Variants in TIAM1 observed in about 807,000 individuals in gnomAD.
TIAM1 encodes the protein TIAM Rac1 associated GEF 1.
A neutral mutation model predicts 163.5 loss-of-function variants in TIAM1; 65 were observed. That is an observed-to-expected ratio of 0.40 (90% CI 0.33 to 0.49). TIAM1 has a LOEUF of 0.49. Ranked by LOEUF, TIAM1 falls within the 20% of genes least tolerant of loss-of-function variation. The pLI, the probability that TIAM1 is intolerant of heterozygous loss-of-function variation, is 0.77. For missense variants in TIAM1, 1,789 were observed against 2,044.7 expected, an observed-to-expected ratio of 0.87 and a Z score of 2.41; for synonymous variants, 833 against 810.1, an observed-to-expected ratio of 1.03 and a Z score of -0.48.
At chr21:31,396,077 A>G (rs1419484471) in intron 2 of TIAM1, among the ~76,000 whole-genome samples, 1 of 152,204 alleles carries the variant, frequency 6.6e-6, no homozygotes, top group Non-Finnish European at 1.5e-5. Context: ...CTAGCAGTTA[A>G]TTATTATATG....
chr21:31,156,282 C>T (rs1444782915), intron 16 of TIAM1, among the ~76,000 whole-genome samples: 1 of 152,214 alleles, frequency 6.6e-6, no homozygotes. Flanking sequence ...TTATTCATTG[C>T]TAGCACTAAC....
intron 2 of TIAM1, among the ~76,000 whole-genome samples, chr21:31,312,519 C>G (rs1348316388): frequency 6.6e-6 from 1 of 152,172 alleles, no homozygotes; most frequent in Non-Finnish European, 1.5e-5. Flanking sequence ...TCACAAAACA[C>G]TTTCCCTAAC....
intron 2 of TIAM1, among the ~76,000 whole-genome samples, chr21:31,457,833 G>A (rs1023630768): frequency 6.6e-6 from 1 of 152,176 alleles, no homozygotes; most frequent in African/African-American, 2.4e-5. Flanking sequence ...AATGTCTGGG[G>A]ACATTTTGGT....
intron 3 of TIAM1, among the ~76,000 whole-genome samples, chr21:31,275,269 G>A (rs1368398966): frequency 2.0e-5 from 3 of 151,282 alleles, no homozygotes; most frequent in African/African-American, 7.3e-5. Flanking sequence ...ACCTTTTTTT[G>A]GTATTTTCTA....
chr21:31,479,618 A>T (rs185736403), intron 1 of TIAM1, among the ~76,000 whole-genome samples: 2 of 152,318 alleles, frequency 1.3e-5, no homozygotes, highest in African/African-American at 4.8e-5. Context: ...TTTATACCAT[A>T]GAAATCGACA....
chr21:31,472,965 A>C (rs2045800853), intron 1 of TIAM1, among the ~76,000 whole-genome samples: 1 of 152,156 alleles, frequency 6.6e-6, no homozygotes, highest in Admixed American at 6.5e-5. Context: ...CAAATGTGGA[A>C]ATTCTTCCTC....
At chr21:31,298,458 ACTC>A (rs2074373116) in intron 2 of TIAM1, among the ~76,000 whole-genome samples, 1 of 152,058 alleles carries the variant, frequency 6.6e-6, no homozygotes, top group Admixed American at 6.6e-5. Flanking sequence ...GCTCAGTTCT[ACTC>A]CTACAGATTC....
chr21:31,372,848 G>A (rs1247126230), intron 2 of TIAM1, among the ~76,000 whole-genome samples: 1 of 152,012 alleles, frequency 6.6e-6, no homozygotes, highest in Admixed American at 6.6e-5. Flanking sequence ...CTGAGGTTGG[G>A]AGTTCGAGAC....
intron 1 of TIAM1, among the ~76,000 whole-genome samples, chr21:31,510,446 C>T (rs145725716): frequency 3.8e-4 from 58 of 152,274 alleles, no homozygotes; most frequent in African/African-American, 1.2e-3. Flanking sequence ...CACATTCTGG[C>T]GTAATGAGGG....
intron 2 of TIAM1, among the ~76,000 whole-genome samples, chr21:31,378,745 C>A (rs1048697785): frequency 3.9e-5 from 6 of 152,152 alleles, no homozygotes; most frequent in African/African-American, 1.4e-4. Context: ...CCACCAACTG[C>A]AGATCCAAAA....
chr21:31,140,772 C>T (rs1386412433), intron 22 of TIAM1, among the ~76,000 whole-genome samples: 5 of 152,184 alleles, frequency 3.3e-5, no homozygotes, highest in Non-Finnish European at 5.9e-5. Context: ...TGGTGTCATT[C>T]TAATCTCTGG....
chr21:31,482,213 G>A (rs751599326), intron 1 of TIAM1, among the ~76,000 whole-genome samples: 13 of 151,744 alleles, frequency 8.6e-5, no homozygotes, highest in Admixed American at 3.9e-4. Context: ...GTGCAGCGGC[G>A]CAATCTCGGC....
chr21:31,338,171 G>A (rs1042602207), intron 2 of TIAM1, among the ~76,000 whole-genome samples: 2 of 152,224 alleles, frequency 1.3e-5, no homozygotes, highest in Non-Finnish European at 2.9e-5. Flanking sequence ...GCGTCTGGAT[G>A]CAGGCAGAGC....
At chr21:31,380,841 G>A (rs1855703) in intron 2 of TIAM1, among the ~76,000 whole-genome samples, 7 of 151,964 alleles carry the variant, frequency 4.6e-5, no homozygotes, top group African/African-American at 1.2e-4. Flanking sequence ...GCATTGTACC[G>A]GATCGGTTAG....
At chr21:31,478,371 AT>A (rs1282833389) in intron 1 of TIAM1, among the ~76,000 whole-genome samples, 2 of 152,234 alleles carry the variant, frequency 1.3e-5, no homozygotes, top group Non-Finnish European at 2.9e-5. Context: ...GTTTAAAAAA[AT>A]CAATCCATAC....
At chr21:31,337,889 A>C (rs1317209171) in intron 2 of TIAM1, among the ~76,000 whole-genome samples, 5 of 152,096 alleles carry the variant, frequency 3.3e-5, no homozygotes, top group African/African-American at 1.2e-4. Flanking sequence ...TAATTATGAT[A>C]ATACAATGTG....
At chr21:31,181,538 G>A (rs539807513) in intron 15 of TIAM1, among the ~76,000 whole-genome samples, 2 of 151,956 alleles carry the variant, frequency 1.3e-5, no homozygotes, top group African/African-American at 4.8e-5. Flanking sequence ...AAGCGCTCGG[G>A]TTCAGTCTTC....
At chr21:31,255,560 G>A (rs934832088) in intron 4 of TIAM1, among the ~76,000 whole-genome samples, 1 of 152,164 alleles carries the variant, frequency 6.6e-6, no homozygotes, top group East Asian at 1.9e-4. Context: ...AGAAGCACCT[G>A]TAAACCTCCC....
chr21:31,242,943 T>C (rs1487130907), intron 6 of TIAM1, among the ~76,000 whole-genome samples: 2 of 150,572 alleles, frequency 1.3e-5, no homozygotes, highest in African/African-American at 4.9e-5. Flanking sequence ...TCCCAGCACT[T>C]TGGAAGGCCA....
Sources: gnomAD v4.1 joint callset for allele counts (sites outside exome capture counted in the v4.1 genomes callset) on GRCh38, gnomAD v4.1.1 for gene constraint, MANE v1.5 for transcripts, NCBI Gene and HGNC (gene_info 2026-07-23, HGNC 2026-07-21) for gene names.